PAPPA2: variants seen among roughly 807,000 people sequenced by gnomAD.
PAPPA2 encodes the protein pappalysin-2.
PAPPA2 carries 86 observed loss-of-function variants against 176.4 expected under a neutral mutation model. The observed-to-expected ratio is 0.49, with a 90% CI of 0.41 to 0.58. PAPPA2 has a LOEUF of 0.58. Among genes scored for constraint, PAPPA2 ranks in the 20% least tolerant of loss-of-function variants. PAPPA2 has a pLI of 0.00. For synonymous variants in PAPPA2, 809 were observed against 852.2 expected, an observed-to-expected ratio of 0.95 and a Z score of 0.88; for missense variants, 2,073 against 2,256.9, an observed-to-expected ratio of 0.92 and a Z score of 1.65.
chr1:176,607,580 A>G (rs1021705614), intron 3 of PAPPA2, among the ~76,000 whole-genome samples: 10 of 152,176 alleles, frequency 6.6e-5, no homozygotes, highest in African/African-American at 2.4e-4. Flanking sequence ...TCGTGTATAT[A>G]TACATGTTCT....
At chr1:176,596,768 A>C (rs1482349839) in intron 3 of PAPPA2, among the ~76,000 whole-genome samples, 3 of 152,194 alleles carry the variant, frequency 2.0e-5, no homozygotes, top group Admixed American at 6.5e-5. Flanking sequence ...TCTTGTTCTG[A>C]GACAGAAGCC....
chr1:176,469,281 C>G (rs1212336737), intron 1 of PAPPA2, among the ~76,000 whole-genome samples: 1 of 152,202 alleles, frequency 6.6e-6, no homozygotes, highest in African/African-American at 2.4e-5. Context: ...AAAACAGTTT[C>G]TGATCACTCT....
At chr1:176,679,889 C>T (rs1396714911) in intron 4 of PAPPA2, among the ~76,000 whole-genome samples, 1 of 152,114 alleles carries the variant, frequency 6.6e-6, no homozygotes, top group Non-Finnish European at 1.5e-5. Flanking sequence ...TAAAGCAATT[C>T]CTATGGCCCA....
chr1:176,532,183 T>C (rs1478680542), intron 1 of PAPPA2, among the ~76,000 whole-genome samples: 1 of 152,230 alleles, frequency 6.6e-6, no homozygotes, highest in Admixed American at 6.5e-5. Context: ...TAGGCATAAA[T>C]TGCTGACCTC....
chr1:176,697,312 A>G (rs906724235), intron 7 of PAPPA2, among the ~76,000 whole-genome samples: 5 of 152,198 alleles, frequency 3.3e-5, no homozygotes, highest in African/African-American at 1.2e-4. Context: ...AAGGACCTTT[A>G]TGCTGCTAGT....
chr1:176,820,085 G>A (rs1224057873), intron 21 of PAPPA2, among the ~76,000 whole-genome samples: 1 of 152,048 alleles, frequency 6.6e-6, no homozygotes, highest in Non-Finnish European at 1.5e-5. Context: ...ATTGAACAGA[G>A]TGACAAGAAA....
intron 17 of PAPPA2, among the ~76,000 whole-genome samples, chr1:176,782,603 G>A (rs1664766301): frequency 6.6e-6 from 1 of 152,152 alleles, no homozygotes. Flanking sequence ...AAGGTCATGG[G>A]TTGTGCTTGG....
At chr1:176,721,379 T>A (rs1661608987) in intron 12 of PAPPA2, among the ~76,000 whole-genome samples, 1 of 152,224 alleles carries the variant, frequency 6.6e-6, no homozygotes, top group African/African-American at 2.4e-5. Flanking sequence ...CCAGTGCTCT[T>A]TAATCCTTTC....
intron 1 of PAPPA2, among the ~76,000 whole-genome samples, chr1:176,500,956 A>C (rs1408133273): frequency 1.3e-5 from 2 of 151,958 alleles, no homozygotes; most frequent in Non-Finnish European, 1.5e-5. Flanking sequence ...GAAGGTTGCT[A>C]GGTTAGCATT....
intron 1 of PAPPA2, among the ~76,000 whole-genome samples, chr1:176,493,776 T>C (rs573463467): frequency 4.1e-4 from 62 of 152,302 alleles, no homozygotes; most frequent in African/African-American, 1.4e-3. Flanking sequence ...ACTCACAGAA[T>C]GGGAGACACA....
intron 21 of PAPPA2, among the ~76,000 whole-genome samples, chr1:176,824,744 A>G (rs1429771012): frequency 6.6e-6 from 1 of 152,114 alleles, no homozygotes; most frequent in Non-Finnish European, 1.5e-5. Context: ...ATTTTTCCCC[A>G]TCAGTGGAAT....
intron 3 of PAPPA2, among the ~76,000 whole-genome samples, chr1:176,622,311 A>G (rs1655641296): frequency 6.6e-6 from 1 of 152,190 alleles, no homozygotes; most frequent in Non-Finnish European, 1.5e-5. Flanking sequence ...TAATTTCTAT[A>G]CTGAGAAATT....
chr1:176,564,727 T>C (rs1331738370), intron 2 of PAPPA2, among the ~76,000 whole-genome samples: 9 of 151,156 alleles, frequency 6.0e-5, no homozygotes, highest in African/African-American at 1.9e-4. Flanking sequence ...CTTTTCTTTT[T>C]TTTTTTTTTT....
intron 12 of PAPPA2, among the ~76,000 whole-genome samples, chr1:176,728,461 C>A: frequency 6.6e-6 from 1 of 151,702 alleles, no homozygotes; most frequent in East Asian, 1.9e-4. Flanking sequence ...AGAAATAAAA[C>A]TAAAAAGAAA....
intron 21 of PAPPA2, among the ~76,000 whole-genome samples, chr1:176,814,169 T>C (rs189068655): frequency 6.6e-6 from 1 of 152,338 alleles, no homozygotes; most frequent in Non-Finnish European, 1.5e-5. Context: ...AGTACCATGC[T>C]GTTTTGGTTA....
chr1:176,682,707 T>C (rs1434783472), intron 4 of PAPPA2, among the ~76,000 whole-genome samples: 2 of 152,096 alleles, frequency 1.3e-5, no homozygotes, highest in East Asian at 3.9e-4. Flanking sequence ...TTTTTAATCG[T>C]CTCCATTTCT....
chr1:176,809,184 C>T lies in PAPPA2; in HGVS notation c.5202+9052C>T, dbSNP rs1666036615. 2.6e-5 allele frequency among the ~76,000 whole-genome samples: 4 copies of T among 152,118 alleles called. No individual in the cohort carries two copies. The South Asian group carries it at 8.3e-4, about 32-fold the overall frequency. ...TCTCTTTCCCTGTAAATCTAGGACTCCATGGATTTAAATGTGTTTATATTT... is the reference window on the plus strand; with the variant it reads ...TCTCTTTCCCTGTAAATCTAGGACTTCATGGATTTAAATGTGTTTATATTT... On this transcript the variant is annotated intron_variant, in intron 21 of 22. Transcript: ENST00000367662.
chr1:176,707,946 A>G (rs1660948612), intron 10 of PAPPA2, among the ~76,000 whole-genome samples: 1 of 152,158 alleles, frequency 6.6e-6, no homozygotes, highest in Admixed American at 6.6e-5. Flanking sequence ...TCATGTGGTC[A>G]GTGCCCAGAA....
At position 176,616,222 on chromosome 1, in the gene PAPPA2, G is replaced by A. The variant is rs143984791; in HGVS notation, c.1991+20627G>A. On this transcript the variant is annotated intron_variant, in intron 3 of 22. Coordinates refer to ENST00000367662, the MANE Select transcript of PAPPA2 (RefSeq NM_020318.3). ...GTTGGCTAATGTGTATAACAAATTA[G>A]GTCCTATCTCAAGTTCCACTTCCAA... 111 of 431,046 alleles carry A rather than the reference G, an allele frequency of 2.6e-4. 1 individual carries two copies. The Middle Eastern group carries it at 2.8e-3, about 11-fold the overall frequency. 26.7% of individuals were successfully genotyped at this position (431,046 alleles called of 1,614,324 possible). A position where few individuals can be genotyped will look rare whatever the true frequency, so the allele number is the denominator to read the frequency against.
Sources: gnomAD v4.1 joint callset for allele counts (sites outside exome capture counted in the v4.1 genomes callset) on GRCh38, gnomAD v4.1.1 for gene constraint, MANE v1.5 for transcripts, NCBI Gene and HGNC (gene_info 2026-07-23, HGNC 2026-07-21) for gene names.